CAMKMT: variants seen among roughly 807,000 people sequenced by gnomAD.
CAMKMT encodes the protein calmodulin-lysine N-methyltransferase.
A neutral mutation model predicts 48.0 loss-of-function variants in CAMKMT; 53 were observed. That is an observed-to-expected ratio of 1.10 (90% confidence interval 0.89 to 1.39). CAMKMT has a LOEUF of 1.39. Ranked by LOEUF, CAMKMT falls within the 40% of genes most tolerant of loss-of-function variation. CAMKMT has a pLI of 0.00. For synonymous variants in CAMKMT, 165 were observed against 152.3 expected (o/e 1.08, Z -0.61); for missense variants, 428 against 402.7 (o/e 1.06, Z -0.54).
chr2:44,521,285 A>T (rs1014046627), intron 3 of CAMKMT, among the ~76,000 whole-genome samples: 1 of 149,774 alleles, frequency 6.7e-6, no homozygotes, highest in Non-Finnish European at 1.5e-5. Flanking sequence ...TTATCCCAAT[A>T]TTTTTTTTTT....
intron 3 of CAMKMT, among the ~76,000 whole-genome samples, chr2:44,613,462 G>A (rs1308343755): frequency 2.6e-5 from 4 of 152,158 alleles, no homozygotes; most frequent in Non-Finnish European, 5.9e-5. Flanking sequence ...ACATCATTCT[G>A]ATTGGTCAGG....
chr2:44,428,079 G>A (rs968346033), intron 3 of CAMKMT, among the ~76,000 whole-genome samples: 5 of 152,182 alleles, frequency 3.3e-5, no homozygotes, highest in Non-Finnish European at 5.9e-5. Flanking sequence ...TGTTGGCTAA[G>A]TGTTAACCAG....
chr2:44,723,484 G>A (rs1266895036), intron 7 of CAMKMT, among the ~76,000 whole-genome samples: 2 of 151,900 alleles, frequency 1.3e-5, no homozygotes, highest in Non-Finnish European at 2.9e-5. Flanking sequence ...CGAGCTACTT[G>A]GGAGGCTGAG....
chr2:44,542,983 T>G (rs1351852311), intron 3 of CAMKMT, among the ~76,000 whole-genome samples: 2 of 152,214 alleles, frequency 1.3e-5, no homozygotes, highest in Admixed American at 6.5e-5. Flanking sequence ...ACAGTTATAC[T>G]TACTTATTAA....
At chr2:44,502,175 C>G (rs561296202) in intron 3 of CAMKMT, among the ~76,000 whole-genome samples, 1 of 151,862 alleles carries the variant, frequency 6.6e-6, no homozygotes, top group African/African-American at 2.4e-5. Flanking sequence ...GAGCCAAGAT[C>G]GCACCACTAC....
At chr2:44,445,645 G>GTTTTGTTTTTT (rs1558621354) in intron 3 of CAMKMT, among the ~76,000 whole-genome samples, 1 of 101,408 alleles carries the variant, frequency 9.9e-6, no homozygotes, top group African/African-American at 3.7e-5. Flanking sequence ...CAAAAGGGTA[G>GTTTTGTTTTTT]TTTTTTTTTT....
At chr2:44,644,490 C>G (rs1426787068) in intron 3 of CAMKMT, among the ~76,000 whole-genome samples, 1 of 152,146 alleles carries the variant, frequency 6.6e-6, no homozygotes, top group Non-Finnish European at 1.5e-5. Flanking sequence ...ATGTAGTTTC[C>G]TTTCTCAATC....
At chr2:44,614,982 G>A (rs1671805041) in intron 3 of CAMKMT, among the ~76,000 whole-genome samples, 1 of 98,106 alleles carries the variant, frequency 1.0e-5, no homozygotes, top group Admixed American at 1.5e-4. Flanking sequence ...TTGCTCTGTT[G>A]CCCAGGCTAG....
intron 3 of CAMKMT, among the ~76,000 whole-genome samples, chr2:44,485,561 A>G (rs1393325954): frequency 6.6e-6 from 1 of 152,196 alleles, no homozygotes; most frequent in Non-Finnish European, 1.5e-5. Flanking sequence ...CCTAGATGGT[A>G]TAGCCTGCTG....
chr2:44,503,463 A>G (rs913024524), intron 3 of CAMKMT, among the ~76,000 whole-genome samples: 3 of 152,212 alleles, frequency 2.0e-5, no homozygotes, highest in Non-Finnish European at 4.4e-5. Context: ...GAAAAAGTTA[A>G]TAGTATCAGT....
chr2:44,597,054 C>A (rs528267516), intron 3 of CAMKMT, among the ~76,000 whole-genome samples: 5 of 152,036 alleles, frequency 3.3e-5, no homozygotes. Flanking sequence ...TAAAGTCACC[C>A]TAGAAGTTGA....
At chr2:44,669,577 T>G (rs1482579265) in intron 3 of CAMKMT, among the ~76,000 whole-genome samples, 1 of 152,188 alleles carries the variant, frequency 6.6e-6, no homozygotes, top group South Asian at 2.1e-4. Context: ...CTTGGTGCTA[T>G]CTGACTTTTA....
intron 10 of CAMKMT, among the ~76,000 whole-genome samples, chr2:44,768,052 A>G (rs1573259735): frequency 6.6e-6 from 1 of 151,974 alleles, no homozygotes; most frequent in South Asian, 2.1e-4. Flanking sequence ...AGGCACGCCC[A>G]CCTCTCCTCT....
At chr2:44,689,303 T>TATTTATTTA (rs1653619183) in intron 3 of CAMKMT, among the ~76,000 whole-genome samples, 1 of 150,912 alleles carries the variant, frequency 6.6e-6, no homozygotes, top group Admixed American at 6.6e-5. Context: ...TTTATTTATT[T>TATTTATTTA]ATTTATTTTG....
At chr2:44,440,530 C>T (rs1219121912) in intron 3 of CAMKMT, among the ~76,000 whole-genome samples, 1 of 152,054 alleles carries the variant, frequency 6.6e-6, no homozygotes, top group African/African-American at 2.4e-5. Context: ...ATATGGTAGC[C>T]ACTAACTCTA....
chr2:44,706,203 C>A, intron 4 of CAMKMT, 84 bp from the exon 5 acceptor site: 1 of 1,389,644 alleles, frequency 7.2e-7, no homozygotes, highest in Non-Finnish European at 1.0e-6. Context: ...CTGCAGATGG[C>A]AATTTGTTCT....
chr2:44,576,332 A>G (rs1269006325), intron 3 of CAMKMT, among the ~76,000 whole-genome samples: 1 of 151,350 alleles, frequency 6.6e-6, no homozygotes, highest in Non-Finnish European at 1.5e-5. Context: ...CTGTCTAAAA[A>G]AAAAAAAAAA....
intron 3 of CAMKMT, among the ~76,000 whole-genome samples, chr2:44,586,892 T>C (rs887571958): frequency 1.1e-4 from 16 of 152,228 alleles, no homozygotes; most frequent in Admixed American, 7.2e-4. Flanking sequence ...GCCAAACTGT[T>C]TTCCAGAGGG....
chr2:44,415,459 A>G (rs921221400), intron 3 of CAMKMT, among the ~76,000 whole-genome samples: 3 of 152,184 alleles, frequency 2.0e-5, no homozygotes, highest in African/African-American at 7.2e-5. Context: ...TTAATTCGTT[A>G]TTTCCACTGT....
Sources: allele counts gnomAD v4.1 joint callset (sites outside exome capture counted in the v4.1 genomes callset), GRCh38; gene constraint gnomAD v4.1.1; transcripts MANE v1.5; gene names NCBI Gene and HGNC (gene_info 2026-07-23, HGNC 2026-07-21).